The following DENND1A variants were observed in gnomAD, a reference collection of about 807,000 sequenced individuals.
DENND1A encodes DENN domain containing 1A.
In DENND1A, 51 loss-of-function variants were observed where a neutral mutation model predicts 113.7. The ratio of observed to expected loss-of-function variants is 0.45; its 90% CI spans 0.36 to 0.57. DENND1A has a LOEUF of 0.57. Among genes scored for constraint, DENND1A ranks in the 20% least tolerant of loss-of-function variants. The probability of loss-of-function intolerance (pLI) is 0.00; values close to 1 mark genes in which losing one functional copy is unlikely to be tolerated. For missense variants in DENND1A, 1,258 were observed against 1,395.9 expected (o/e 0.90, Z 1.57); for synonymous variants, 565 against 570.8 (o/e 0.99, Z 0.14).
intron 13 of DENND1A, among the ~76,000 whole-genome samples, chr9:123,468,503 T>C (rs1369315070): frequency 6.6e-6 from 1 of 152,190 alleles, no homozygotes; most frequent in Non-Finnish European, 1.5e-5. Context: ...CTGGGGAATT[T>C]GGCCCTATTT....
At chr9:123,560,078 G>A (rs569020151) in intron 12 of DENND1A, among the ~76,000 whole-genome samples, 71 of 152,230 alleles carry the variant, frequency 4.7e-4, no homozygotes, top group African/African-American at 1.6e-3. Flanking sequence ...ACATTTTATC[G>A]ATCTGTTCAT....
chr9:123,403,896 G>T (rs956939553), intron 20 of DENND1A, among the ~76,000 whole-genome samples: 3 of 152,158 alleles, frequency 2.0e-5, no homozygotes, highest in Non-Finnish European at 4.4e-5. Flanking sequence ...AGAAAGAAAA[G>T]GTTGCGCTTA....
intron 1 of DENND1A, among the ~76,000 whole-genome samples, chr9:123,928,066 G>A (rs1857401221): frequency 6.6e-6 from 1 of 152,204 alleles, no homozygotes; most frequent in Admixed American, 6.5e-5. Context: ...CTAGTTTCAA[G>A]ATCAATAAGG....
intron 5 of DENND1A, among the ~76,000 whole-genome samples, chr9:123,719,711 C>T (rs2067214287): frequency 6.6e-6 from 1 of 151,986 alleles, no homozygotes; most frequent in Admixed American, 6.6e-5. Context: ...GTCTAAACAT[C>T]AAATTCATTT....
chr9:123,499,926 G>A (rs116607303), intron 13 of DENND1A, among the ~76,000 whole-genome samples: 5 of 152,304 alleles, frequency 3.3e-5, no homozygotes, highest in African/African-American at 7.2e-5. Flanking sequence ...AGCACAGAGC[G>A]AGCATCCTGC....
intron 5 of DENND1A, among the ~76,000 whole-genome samples, chr9:123,680,788 G>A (rs375166845): frequency 2.4e-4 from 36 of 152,294 alleles, no homozygotes; most frequent in African/African-American, 7.5e-4. Flanking sequence ...AGAGCTCTCC[G>A]ACACCTCTTT....
At chr9:123,462,012 A>G (rs1441024275) in intron 13 of DENND1A, 4 of 152,210 alleles carry the variant, frequency 2.6e-5, no homozygotes, top group Admixed American at 2.6e-4. Flanking sequence ...ATAAGTGGAC[A>G]CTTCGGCTGC....
chr9:123,721,596 G>A (rs1432246492), intron 5 of DENND1A, among the ~76,000 whole-genome samples: 1 of 152,224 alleles, frequency 6.6e-6, no homozygotes, highest in Non-Finnish European at 1.5e-5. Context: ...TGTCGTGGGA[G>A]CAACCCTGTG....
intron 2 of DENND1A, among the ~76,000 whole-genome samples, chr9:123,802,790 C>T (rs1207829497): frequency 1.3e-5 from 2 of 152,074 alleles, no homozygotes; most frequent in African/African-American, 4.8e-5. Flanking sequence ...GCAACCTTCG[C>T]CTCCCGGGTT....
intron 2 of DENND1A, among the ~76,000 whole-genome samples, chr9:123,808,083 G>T (rs1432890515): frequency 6.6e-6 from 1 of 151,972 alleles, no homozygotes; most frequent in Admixed American, 6.6e-5. Context: ...AAAATTAGCC[G>T]GGTGTGGTGG....
chr9:123,864,020 CGA>C (rs1466191440), intron 2 of DENND1A, among the ~76,000 whole-genome samples: 4 of 149,844 alleles, frequency 2.7e-5, no homozygotes, highest in African/African-American at 9.8e-5. Flanking sequence ...AAATCATTAT[CGA>C]GAGTTTCAAA....
chr9:123,408,282 A>G (rs981757444), intron 20 of DENND1A, among the ~76,000 whole-genome samples: 2 of 152,148 alleles, frequency 1.3e-5, no homozygotes, highest in African/African-American at 4.8e-5. Flanking sequence ...CCTAGTCTGT[A>G]GCAGTGTCCA....
intron 9 of DENND1A, among the ~76,000 whole-genome samples, chr9:123,647,229 G>A (rs1411760025): frequency 6.6e-6 from 1 of 151,774 alleles, no homozygotes; most frequent in South Asian, 2.1e-4. Context: ...AAAAAAAAAT[G>A]TAAGAACCCC....
intron 19 of DENND1A, among the ~76,000 whole-genome samples, chr9:123,435,465 G>A (rs184942045): frequency 6.6e-6 from 1 of 152,230 alleles, no homozygotes; most frequent in East Asian, 1.9e-4. Flanking sequence ...TTTTGGTTTT[G>A]GTTTAACCAG....
chr9:123,454,316 A>T (rs1471771687), intron 16 of DENND1A, among the ~76,000 whole-genome samples: 1 of 152,100 alleles, frequency 6.6e-6, no homozygotes, highest in Non-Finnish European at 1.5e-5. Flanking sequence ...ACATCAAGAC[A>T]CCTCACAACA....
At chr9:123,675,685 G>A (rs190655072) in intron 6 of DENND1A, among the ~76,000 whole-genome samples, 28 of 152,294 alleles carry the variant, frequency 1.8e-4, no homozygotes, top group Non-Finnish European at 3.7e-4. Context: ...TTAAAACAAT[G>A]AGACTTTTTT....
chr9:123,655,523 C>A (rs1362572963), intron 8 of DENND1A, among the ~76,000 whole-genome samples: 2 of 152,172 alleles, frequency 1.3e-5, no homozygotes, highest in Non-Finnish European at 2.9e-5. Context: ...GGAAGCTACA[C>A]AAAGACCGGT....
rs2048248384 is a variant in DENND1A, at chr9:123,457,842, G to C, written c.1049C>G (p.Ala350Gly). ...EAFVSHYRSGAMRQFLQNATQ... is the reference protein window; with the variant it reads ...EAFVSHYRSGGMRQFLQNATQ... The stretch of plus-strand genomic sequence containing the variant: ...GGCGTTCTGCAGGAACTGCCTCATG[G>C]CTCCGGAGCGGTAGTGGGACACGAA... The change falls in exon 14 of 24, where the codon GCC becomes GGC. Residue 350 changes from alanine (A) to glycine (G), a missense_variant. Physicochemically the swap from Ala to Gly is moderately conservative, Grantham distance 60. Coordinates refer to ENST00000394215, the MANE Select transcript of DENND1A (RefSeq NM_001352964.2). 2.5e-6 allele frequency: 4 copies of C among 1,612,838 alleles called. No individual in the cohort carries two copies. The highest frequency in any genetic ancestry group is 3.4e-6 in the Non-Finnish European group (4 of 1,179,504).
At chr9:123,792,203 T>C (rs1238313354) in intron 3 of DENND1A, among the ~76,000 whole-genome samples, 3 of 152,248 alleles carry the variant, frequency 2.0e-5, no homozygotes, top group South Asian at 2.1e-4. Context: ...GGAAATGTTA[T>C]AAACTTCCCT....
Sources: allele counts gnomAD v4.1 joint callset (sites outside exome capture counted in the v4.1 genomes callset), GRCh38; gene constraint gnomAD v4.1.1; transcripts MANE v1.5; gene names NCBI Gene and HGNC (gene_info 2026-07-23, HGNC 2026-07-21).